IAH1: variants seen among roughly 807,000 people sequenced by gnomAD.
IAH1 encodes the protein isoamyl acetate hydrolyzing esterase 1 (putative).
IAH1 carries 24 observed loss-of-function variants against 26.7 expected under a neutral mutation model. The ratio of observed to expected loss-of-function variants is 0.90; its 90% CI spans 0.65 to 1.26. The LOEUF is 1.26. Among genes scored for constraint, IAH1 ranks in the 50% most tolerant of loss-of-function variants. The pLI, the probability that IAH1 is intolerant of heterozygous loss-of-function variation, is 0.00. For synonymous variants in IAH1, 140 were observed against 118.5 expected, an observed-to-expected ratio of 1.18 and a Z score of -1.18; for missense variants, 300 against 299.9, an observed-to-expected ratio of 1.00 and a Z score of 0.00.
intron 4 of IAH1, among the ~76,000 whole-genome samples, chr2:9,484,081 C>G (rs1242204109): frequency 1.3e-5 from 2 of 152,210 alleles, no homozygotes; most frequent in East Asian, 3.8e-4. Flanking sequence ...TTACCAGCCC[C>G]CAGCCCAGCT....
At chr2:9,479,520 T>C (rs1661030373) in intron 3 of IAH1, among the ~76,000 whole-genome samples, 1 of 152,168 alleles carries the variant, frequency 6.6e-6, no homozygotes, top group Admixed American at 6.5e-5. Context: ...AGCAAATACA[T>C]ATTTGAAAAT....
chr2:9,475,929 C>T, intron 1 of IAH1, 58 bp from the exon 2 acceptor site: 1 of 1,493,826 alleles, frequency 6.7e-7, no homozygotes, highest in Non-Finnish European at 9.3e-7. Flanking sequence ...CAGAACTGCC[C>T]TCGCTGAGAT....
chr2:9,476,140 A>G, intron 2 of IAH1, 101 bp downstream of exon 2: 1 of 1,078,456 alleles, frequency 9.3e-7, no homozygotes, highest in Non-Finnish European at 1.4e-6. Context: ...TTCCTCCTTT[A>G]TTAATTTTGC....
chr2:9,493,700 C>A (rs2124962919), downstream of IAH1: 1 of 1,524,812 alleles, frequency 6.6e-7, no homozygotes, highest in Non-Finnish European at 9.1e-7. Flanking sequence ...AATGTCATCA[C>A]AGAAATTGAC....
At chr2:9,477,719 A>C (rs1414236755) in intron 2 of IAH1, among the ~76,000 whole-genome samples, 1 of 151,474 alleles carries the variant, frequency 6.6e-6, no homozygotes, top group Non-Finnish European at 1.5e-5. Flanking sequence ...AACTGTTTTT[A>C]AGAAGGAAAC....
chr2:9,505,595 A>G, the IAH1 span: 2 of 537,046 alleles, frequency 3.7e-6, no homozygotes, highest in Non-Finnish European at 6.7e-6. Context: ...AAGGATCTAT[A>G]ATTCTTCTTA....
At chr2:9,482,490 C>T (rs777670465) in intron 4 of IAH1, among the ~76,000 whole-genome samples, 3 of 152,312 alleles carry the variant, frequency 2.0e-5, no homozygotes, top group East Asian at 1.9e-4. Context: ...TTCTTACACA[C>T]ACCACAGCAC....
intron 3 of IAH1, among the ~76,000 whole-genome samples, chr2:9,480,684 C>T (rs1048041220): frequency 6.6e-6 from 1 of 152,128 alleles, no homozygotes; most frequent in Non-Finnish European, 1.5e-5. Context: ...ACTGTACTTA[C>T]ATGTGGTTAG....
chr2:9,499,536 G>C (rs1382495753), downstream of IAH1, among the ~76,000 whole-genome samples: 3 of 152,154 alleles, frequency 2.0e-5, no homozygotes, highest in East Asian at 5.8e-4. Flanking sequence ...CAAGTAGCTG[G>C]GACTACAGGC....
At chr2:9,499,950 ATGC>A (rs1308910739), downstream of IAH1, among the ~76,000 whole-genome samples, 1 of 152,186 alleles carries the variant, frequency 6.6e-6, no homozygotes, top group Non-Finnish European at 1.5e-5. Flanking sequence ...CCCTCATACA[ATGC>A]TGCTGAGACT....
downstream of IAH1, among the ~76,000 whole-genome samples, chr2:9,499,109 T>C (rs550075592): frequency 1.3e-4 from 11 of 83,176 alleles, 1 homozygote; most frequent in East Asian, 1.9e-3. Context: ...TTTTCTTTCT[T>C]CTTCTTTTTT....
At chr2:9,482,803 C>T (rs558090030) in intron 4 of IAH1, among the ~76,000 whole-genome samples, 2 of 152,342 alleles carry the variant, frequency 1.3e-5, no homozygotes, top group South Asian at 2.1e-4. Context: ...CACAGACAAA[C>T]GGGGAGAAAC....
In IAH1 at chr2:9,488,470, T is replaced by TTTA. The variant is rs1661767145; in HGVS notation, c.*143_*145dup. On this transcript the variant is annotated 3_prime_UTR_variant, in exon 6 of 6. Transcript: ENST00000497473. The stretch of plus-strand genomic sequence containing the variant: ...GTATTAGATGATTTTTCAGGGAAGT[T>TTTA]TTATACTTAGGTCCATTGTGTTTCG... 1.7e-6 allele frequency: 1 copy of TTTA among 600,444 alleles called. No individual in the cohort carries two copies. Among genetic ancestry groups the TTTA allele is most frequent in the South Asian group, 2.9e-5 (1 of 34,444 alleles). The allele number at this position is 600,444 out of a possible 1,614,324, so 37.2% of individuals were successfully genotyped here.
intron 1 of IAH1, 113 bp from the exon 2 acceptor site, chr2:9,475,874 A>C (rs1216370295): frequency 5.9e-6 from 5 of 842,304 alleles, no homozygotes; most frequent in Non-Finnish European, 9.9e-6. Context: ...GGAGTGAAGC[A>C]ATCAAAGCCA....
At position 9,489,409 on chromosome 2, in the gene IAH1, T is replaced by A. The variant is rs1661897952; in HGVS notation, c.*1080T>A. The A allele has an allele frequency of 6.7e-6, 1 of 149,046 alleles. No individual in the cohort carries two copies. Among genetic ancestry groups the A allele is most frequent in the Admixed American group, 6.7e-5 (1 of 14,986 alleles). The allele number at this position is 149,046 out of a possible 1,614,324, so 9.2% of individuals were successfully genotyped here. ...ATAGTGAATTTTCTAAGAGCATGTA[T>A]CCCTATCAGTAACAGGGATACATGA... On this transcript the variant is annotated 3_prime_UTR_variant, in exon 6 of 6. Coordinates refer to ENST00000497473, the MANE Select transcript of IAH1 (RefSeq NM_001039613.3).
At chr2:9,490,102 C>T (rs6705408), downstream of IAH1, 769,745 of 1,353,458 alleles carry the variant, frequency 0.57, 228,161 homozygotes, top group African/African-American at 0.71. Context: ...TCACAAAATA[C>T]AAGCTGTGAT....
chr2:9,475,848 C>T (rs1682459156), intron 1 of IAH1, 139 bp from the exon 2 acceptor site: 6 of 691,464 alleles, frequency 8.7e-6, no homozygotes, highest in Admixed American at 2.4e-5. Context: ...ACCTGTAATC[C>T]CCAAAATGAC....
chr2:9,511,450 T>TA, the IAH1 span, among the ~76,000 whole-genome samples: 1,646 of 145,936 alleles, frequency 0.011, 27 homozygotes, highest in African/African-American at 0.039. Context: ...AACTCTATCT[T>TA]AAAAAAAAAA....
In IAH1 at chr2:9,477,664, C is replaced by CT. The variant is rs58198427; in HGVS notation, c.135-544dup. ...CGAGAAACAAATCCAGGCAACCCGG[C>CT]TTTTTTTTTTTTTTCCCCCATTACA... On this transcript the variant is annotated intron_variant, in intron 2 of 5. Coordinates refer to ENST00000497473, the MANE Select transcript of IAH1 (RefSeq NM_001039613.3). Among the ~76,000 whole-genome samples the CT allele has an allele frequency of 9.4e-3, 1,323 of 140,178 alleles. 16 individuals are homozygous for CT. The highest frequency in any genetic ancestry group is 0.022 in the Middle Eastern group (6 of 272). The allele number at this position is 140,178 out of a possible 152,430, so 92.0% of individuals were successfully genotyped here.
Sources: allele counts gnomAD v4.1 joint callset (sites outside exome capture counted in the v4.1 genomes callset), GRCh38; gene constraint gnomAD v4.1.1; transcripts MANE v1.5; gene names NCBI Gene and HGNC (gene_info 2026-07-23, HGNC 2026-07-21).